The following GBA2 variants were observed in gnomAD, a reference collection of about 807,000 sequenced individuals.
GBA2 encodes non-lysosomal glucosylceramidase.
A neutral mutation model predicts 112.9 loss-of-function variants in GBA2; 79 were observed. The observed-to-expected ratio is 0.70, with a 90% CI of 0.58 to 0.84. GBA2 has a LOEUF of 0.84. Ranked by LOEUF, GBA2 falls within the 40% of genes least tolerant of loss-of-function variation. The pLI is 0.00. For synonymous variants in GBA2, 403 were observed against 434.3 expected (o/e 0.93, Z 0.90); for missense variants, 1,043 against 1,190.0 (o/e 0.88, Z 1.82).
Position 35,741,237 on chromosome 9 carries a change from T to C in GBA2, c.787-173A>G. On this transcript the variant is annotated intron_variant, in intron 4 of 16. Coordinates refer to ENST00000378103, the MANE Select transcript of GBA2 (RefSeq NM_020944.3). This position sits in a 1 kb window ranked among gnomAD's most constrained non-coding sequence, Gnocchi z 4.6. Reference sequence around the variant, plus strand: ...CAGGCAAGCTGCCTAGCAGGGAATATAGAAGACCAGAACCAGTTGGGCGGT... The same window carrying C: ...CAGGCAAGCTGCCTAGCAGGGAATACAGAAGACCAGAACCAGTTGGGCGGT... The C allele has an allele frequency of 2.9e-6, 2 of 688,744 alleles. No individual in the cohort carries two copies. Among genetic ancestry groups the C allele is most frequent in the Middle Eastern group, 4.0e-4 (1 of 2,494 alleles). 42.7% of individuals were successfully genotyped at this position (688,744 alleles called of 1,614,324 possible).
Position 35,741,329 on chromosome 9 carries a change from T to G in GBA2, c.787-265A>C, listed in dbSNP as rs544210566. On this transcript the variant is annotated intron_variant, in intron 4 of 16. Coordinates refer to ENST00000378103, the MANE Select transcript of GBA2 (RefSeq NM_020944.3). The surrounding 1 kb of genome is among the most constrained non-coding windows in gnomAD (Gnocchi z 4.6). Reference sequence around the variant, plus strand: ...CTTTCACAGGCCATGCAGTTTCTTTTTTTTTTTTTTTGGGGGGTGCGGTGG... The same window carrying G: ...CTTTCACAGGCCATGCAGTTTCTTTGTTTTTTTTTTTGGGGGGTGCGGTGG... 106 of 491,592 alleles carry G rather than the reference T, an allele frequency of 2.2e-4. 1 individual carries two copies. In the Middle Eastern group the frequency reaches 3.3e-3, roughly 15 times the overall value. 30.5% of individuals were successfully genotyped at this position (491,592 alleles called of 1,614,324 possible).
rs925194061 is a variant in GBA2, at chr9:35,746,922, A to C, written c.359+1424T>G. 2.0e-5 allele frequency among the ~76,000 whole-genome samples: 3 copies of C among 152,210 alleles called. No individual in the cohort carries two copies. Among genetic ancestry groups the C allele is most frequent in the African/African-American group, 7.2e-5 (3 of 41,456 alleles). On this transcript the variant is annotated intron_variant, in intron 1 of 16. Coordinates refer to ENST00000378103, the MANE Select transcript of GBA2 (RefSeq NM_020944.3). The surrounding 1 kb of genome is among the most constrained non-coding windows in gnomAD (Gnocchi z 5.2). ...TTGAGTTCTTACGAAGGTAAGACCC[A>C]GAGAATTCTGTCTTGCTAGAGCTCC... is the stretch of plus-strand genomic sequence containing the variant.
Position 35,740,729 on chromosome 9 carries a change from G to T in GBA2, c.1026+96C>A. 1 of 1,549,830 alleles carries T rather than the reference G, an allele frequency of 6.5e-7. No individual in the cohort carries two copies. The highest frequency in any genetic ancestry group is 1.1e-5 in the South Asian group (1 of 87,466). ...ACTTACTCTTAACCTCCCAGGCCCA[G>T]GGGCTTACAGGAGTATGATGAGGGT... On this transcript the variant is annotated intron_variant, in intron 5 of 16. Transcript: ENST00000378103. The surrounding 1 kb of genome is among the most constrained non-coding windows in gnomAD (Gnocchi z 4.7).
chr9:35,748,623 C>T lies in GBA2; in HGVS notation c.82G>A (p.Val28Ile), dbSNP rs1300867019. Residue 28 changes from valine (V) to isoleucine (I), a missense_variant, in exon 1 of 17, where the codon GTT becomes ATT. Transcript: ENST00000378103. ...CCGCCAGTCTCTTCAGGGCAATAAA[C>T]TTGTGGATCCTCTTTGGCACAGCTT... ...QISCAKEDPQ[V>I]YCPEETGGTK... The T allele has an allele frequency of 1.9e-6, 3 of 1,613,492 alleles. No homozygotes were observed. The highest frequency in any genetic ancestry group is 2.7e-5 in the African/African-American group (2 of 74,924).
rs969561713 is a variant in GBA2, at chr9:35,740,463, C to T, written c.1129+63G>A. 36 of 1,556,940 alleles carry T rather than the reference C, an allele frequency of 2.3e-5. No homozygotes were observed. Among genetic ancestry groups the T allele is most frequent in the Middle Eastern group, 1.7e-4 (1 of 5,956 alleles). ...GGCCTACTTATTACCAGGCCTCCCA[C>T]CCCTGGTCCCAAGACAGGGACAACC... On this transcript the variant is annotated intron_variant, in intron 6 of 16. Coordinates refer to ENST00000378103, the MANE Select transcript of GBA2 (RefSeq NM_020944.3). The surrounding 1 kb of genome is among the most constrained non-coding windows in gnomAD (Gnocchi z 4.7).
rs1282794072 is a variant in GBA2 at position 35,739,636 on chromosome 9, T to C, written c.1574A>G (p.Tyr525Cys). The C allele has an allele frequency of 6.2e-7, 1 of 1,613,708 alleles. No homozygotes were observed. Among genetic ancestry groups the C allele is most frequent in the Non-Finnish European group, 8.5e-7 (1 of 1,179,754 alleles). The change falls in exon 9 of 17, where the codon TAC (tyrosine) becomes TGC (cysteine). Residue 525 changes from tyrosine to cysteine, a missense_variant. Transcript: ENST00000378103. Reference protein sequence around the residue: ...PTLRDYGRFGYLEGQEYRMYN... With the variant: ...PTLRDYGRFGCLEGQEYRMYN... The stretch of plus-strand genomic sequence containing the variant: ...CCACCAGCATCCTGTACCCTCAAGG[T>C]AGCCAAATCGACCGTAGTCCCGTAG...
Position 35,741,236 on chromosome 9 carries a change from A to G in GBA2, c.787-172T>C, listed in dbSNP as rs1826656005. 8.7e-6 allele frequency: 6 copies of G among 687,460 alleles called. No individual in the cohort carries two copies. Among genetic ancestry groups the G allele is most frequent in the Non-Finnish European group, 1.4e-5 (6 of 417,608 alleles). The allele number at this position is 687,460 out of a possible 1,614,324, so 42.6% of individuals were successfully genotyped here. A position where few individuals can be genotyped will look rare whatever the true frequency, so the allele number is the denominator to read the frequency against. On this transcript the variant is annotated intron_variant, in intron 4 of 16. Coordinates refer to ENST00000378103, the MANE Select transcript of GBA2 (RefSeq NM_020944.3). The surrounding 1 kb of genome is among the most constrained non-coding windows in gnomAD (Gnocchi z 4.6). ...CCAGGCAAGCTGCCTAGCAGGGAAT[A>G]TAGAAGACCAGAACCAGTTGGGCGG... is the stretch of plus-strand genomic sequence containing the variant.
chr9:35,739,916 TTTGG>T, intron 8 of GBA2, 78 bp downstream of exon 8: 2 of 1,572,628 alleles, frequency 1.3e-6, no homozygotes, highest in South Asian at 2.3e-5. Context: ...GTCTACTGAC[TTTGG>T]TGGGTGGAGA....
intron 1 of GBA2, among the ~76,000 whole-genome samples, chr9:35,745,357 T>G (rs1826919110): frequency 6.6e-6 from 1 of 152,074 alleles, no homozygotes; most frequent in Non-Finnish European, 1.5e-5. Context: ...ACTCCTGACC[T>G]CAGGTGATCC....
In GBA2 at chr9:35,744,349, C is replaced by T. The variant is rs200268523; in HGVS notation, c.515G>A (p.Arg172His). ...ITRGWRGQFC[R>H]WQLNPGMYQH... ...ATACATTCCAGGGTTAAGCTGCCAA[C>T]GACAGAACTGGCCTCTCCAGCCACG... Residue 172 changes from arginine to histidine, a missense_variant, in exon 3 of 17, where the codon CGT (arginine) becomes CAT (histidine). Coordinates refer to ENST00000378103, the MANE Select transcript of GBA2 (RefSeq NM_020944.3). 1.1e-5 allele frequency: 17 copies of T among 1,613,474 alleles called. No individual in the cohort carries two copies. Among genetic ancestry groups the T allele is most frequent in the African/African-American group, 5.3e-5 (4 of 74,870 alleles).
At position 35,741,461 on chromosome 9, in the gene GBA2, ATTT is replaced by A; in HGVS notation, c.786+208_786+210del. On this transcript the variant is annotated intron_variant, in intron 4 of 16. Transcript: ENST00000378103. The surrounding 1 kb of genome is among the most constrained non-coding windows in gnomAD (Gnocchi z 4.6). Reference sequence around the variant, plus strand: ...AGGTGCCTGCCACAACGCCCAGCTAATTTTTTTTTTTGTATTTTTAGTAGATAT... The same window carrying A: ...AGGTGCCTGCCACAACGCCCAGCTAATTTTTTTTGTATTTTTAGTAGATAT... 2.2e-6 allele frequency: 1 copy of A among 450,116 alleles called. No individual in the cohort carries two copies. Among genetic ancestry groups the A allele is most frequent in the South Asian group, 2.9e-5 (1 of 35,042 alleles). 27.9% of individuals were successfully genotyped at this position (450,116 alleles called of 1,614,324 possible). A position where few individuals can be genotyped will look rare whatever the true frequency, so the allele number is the denominator to read the frequency against.
rs144239565 is a variant in GBA2 at position 35,738,795 on chromosome 9, G to A, written c.1904C>T (p.Thr635Met). 38 of 1,614,138 alleles carry A rather than the reference G, an allele frequency of 2.4e-5. No individual in the cohort carries two copies. Among genetic ancestry groups the A allele is most frequent in the East Asian group, 4.5e-5 (2 of 44,888 alleles). ...VLQVYRDYYL[T>M]GDQNFLKDMW... ...GTCCTTCAGGAAGTTTTGATCACCC[G>A]TGAGGTAATAGTCCCGATAAACCTG... Residue 635 changes from threonine (T) to methionine (M), a missense_variant, in exon 12 of 17, where the codon ACG becomes ATG. By Grantham distance (81) the Thr-to-Met change is moderately conservative (BLOSUM62 -1). Coordinates refer to ENST00000378103, the MANE Select transcript of GBA2 (RefSeq NM_020944.3).
intron 1 of GBA2, among the ~76,000 whole-genome samples, chr9:35,747,956 C>A (rs1365111616): frequency 6.6e-6 from 1 of 152,074 alleles, no homozygotes; most frequent in Non-Finnish European, 1.5e-5. Flanking sequence ...GGGTTGAGAC[C>A]CCCCCACCCC....
In GBA2 at chr9:35,738,376, T is replaced by C; in HGVS notation, c.2055-2A>G. 3 of 1,613,548 alleles carry C rather than the reference T, an allele frequency of 1.9e-6. No homozygotes were observed. The highest frequency in any genetic ancestry group is 1.7e-6 in the Non-Finnish European group (2 of 1,179,636). Reference sequence around the variant, plus strand: ...AGCCACAGCCCTCCACAGTAAGCACTGATCAGGGACATGGGTTTGGGGGTC... The same window carrying C: ...AGCCACAGCCCTCCACAGTAAGCACCGATCAGGGACATGGGTTTGGGGGTC... On this transcript the variant is annotated splice_acceptor_variant, in intron 13 of 16. Transcript: ENST00000378103. LOFTEE classifies it high-confidence loss of function.
Position 35,738,526 on chromosome 9 carries a change from C to T in GBA2, c.2054G>A (p.Ser685Asn). The T allele has an allele frequency of 6.2e-7, 1 of 1,610,338 alleles. No homozygotes were observed. The highest frequency in any genetic ancestry group is 8.5e-7 in the Non-Finnish European group (1 of 1,176,464). ...CTCCTGGAAACCCCTACCCGCTAAC[C>T]TGGGGCCTGTGGTCACCCATCCATC... ...TYDGWVTTGP[S>N]AYCGGLWLAA... Residue 685 changes from serine (S) to asparagine (N), a missense_variant and splice_region_variant, in exon 13 of 17, where the codon AGT becomes AAT. Coordinates refer to ENST00000378103, the MANE Select transcript of GBA2 (RefSeq NM_020944.3).
rs752528251 is a variant in GBA2 at position 35,741,641 on chromosome 9, G to T, written c.786+31C>A. 7.3e-7 allele frequency: 1 copy of T among 1,370,018 alleles called. No individual in the cohort carries two copies. The highest frequency in any genetic ancestry group is 1.0e-6 in the Non-Finnish European group (1 of 957,356). 84.9% of individuals were successfully genotyped at this position (1,370,018 alleles called of 1,614,324 possible). On this transcript the variant is annotated intron_variant, in intron 4 of 16. Transcript: ENST00000378103. This position sits in a 1 kb window ranked among gnomAD's most constrained non-coding sequence, Gnocchi z 4.6. ...AGAGGCAGGTCCTGGGGAAGGGAGG[G>T]CAATGGAAGATACAGATGTGGGGGC...
chr9:35,741,025 C>G lies in GBA2; in HGVS notation c.826G>C (p.Glu276Gln). Residue 276 changes from glutamate to glutamine, a missense_variant, in exon 5 of 17, where the codon GAA becomes CAA. Physicochemically the swap from Glu to Gln is conservative, Grantham distance 29 (BLOSUM62 2). Transcript: ENST00000378103. This position sits in a 1 kb window ranked among gnomAD's most constrained non-coding sequence, Gnocchi z 4.6. ...LPVGVFVWDV[E>Q]NEGDEALDVS... Reference sequence around the variant, plus strand: ...TCTAGAGCTTCGTCCCCTTCATTTTCCACATCCCACACAAAGACTCCTACA... The same window carrying G: ...TCTAGAGCTTCGTCCCCTTCATTTTGCACATCCCACACAAAGACTCCTACA... The G allele has an allele frequency of 6.2e-7, 1 of 1,614,144 alleles. No homozygotes were observed. Among genetic ancestry groups the G allele is most frequent in the Non-Finnish European group, 8.5e-7 (1 of 1,179,992 alleles).
Position 35,740,154 on chromosome 9 carries a change from G to A in GBA2, c.1284-31C>T, listed in dbSNP as rs760490497. On this transcript the variant is annotated intron_variant, in intron 7 of 16. Transcript: ENST00000378103. The surrounding 1 kb of genome is among the most constrained non-coding windows in gnomAD (Gnocchi z 4.7). ...GTGGGAAGGGGAAGGATGAACACAAGCCCCAGGTCAGAGCCCCAGCACTCT... is the reference window on the plus strand; with the variant it reads ...GTGGGAAGGGGAAGGATGAACACAAACCCCAGGTCAGAGCCCCAGCACTCT... 6.2e-7 allele frequency: 1 copy of A among 1,613,918 alleles called. No homozygotes were observed. Among genetic ancestry groups the A allele is most frequent in the African/African-American group, 1.3e-5 (1 of 74,904 alleles).
rs1461483429 is a variant in GBA2 at position 35,741,380 on chromosome 9, C to A, written c.786+292G>T. 6 of 515,226 alleles carry A rather than the reference C, an allele frequency of 1.2e-5. No homozygotes were observed. Among genetic ancestry groups the A allele is most frequent in the Non-Finnish European group, 2.1e-5 (6 of 288,186 alleles). 31.9% of individuals were successfully genotyped at this position (515,226 alleles called of 1,614,324 possible). Reference sequence around the variant, plus strand: ...CGCAATCTCGGCTCACTGCAAGCTCCGCCTCCCGGGTTCACACCATTATCC... The same window carrying A: ...CGCAATCTCGGCTCACTGCAAGCTCAGCCTCCCGGGTTCACACCATTATCC... On this transcript the variant is annotated intron_variant, in intron 4 of 16. Coordinates refer to ENST00000378103, the MANE Select transcript of GBA2 (RefSeq NM_020944.3). This position sits in a 1 kb window ranked among gnomAD's most constrained non-coding sequence, Gnocchi z 4.6.
Sources: gnomAD v4.1 joint callset for allele counts (sites outside exome capture counted in the v4.1 genomes callset) on GRCh38, gnomAD v4.1.1 for gene constraint, Gnocchi (gnomAD v3.1) non-coding constraint, MANE v1.5 for transcripts, NCBI Gene and HGNC (gene_info 2026-07-23, HGNC 2026-07-21) for gene names.